The following ARHGEF11 variants were observed in gnomAD, a reference collection of about 807,000 sequenced individuals.
ARHGEF11 encodes the protein Rho guanine nucleotide exchange factor 11, also known as Rho guanine exchange factor (GEF) 11.
Under a neutral mutation model 193.7 loss-of-function variants are expected in ARHGEF11, and 55 were observed. The observed-to-expected ratio is 0.28, with a 90% confidence interval of 0.23 to 0.36. The LOEUF (loss-of-function observed/expected upper bound fraction) is 0.36, where lower values mean the gene tolerates loss of function less well. ARHGEF11 is among the 10% of genes least tolerant of loss of function. ARHGEF11 has a pLI of 1.00. For synonymous variants in ARHGEF11, 693 were observed against 768.0 expected (o/e 0.90, Z 1.62); for missense variants, 1,723 against 2,005.6 (o/e 0.86, Z 2.69).
At chr1:156,990,594 G>A (rs1169503303) in intron 1 of ARHGEF11, among the ~76,000 whole-genome samples, 1 of 152,108 alleles carries the variant, frequency 6.6e-6, no homozygotes, top group African/African-American at 2.4e-5. Context: ...TAGCCAGTAA[G>A]CTTTTATAAA....
At chr1:157,013,902 T>C (rs957478524) in intron 1 of ARHGEF11, among the ~76,000 whole-genome samples, 4 of 152,210 alleles carry the variant, frequency 2.6e-5, no homozygotes, top group Admixed American at 2.6e-4. Flanking sequence ...GCAGTCCTGA[T>C]TCCTTTGTAT....
chr1:156,995,238 C>T (rs553084847), intron 1 of ARHGEF11, among the ~76,000 whole-genome samples: 2 of 152,322 alleles, frequency 1.3e-5, no homozygotes, highest in South Asian at 2.1e-4. Context: ...GATATACACC[C>T]TTCCGTGGTT....
At chr1:156,947,168 G>T in intron 26 of ARHGEF11, 136 bp downstream of exon 26, 1 of 1,473,102 alleles carries the variant, frequency 6.8e-7, no homozygotes, top group Non-Finnish European at 9.2e-7. Flanking sequence ...CTGGTTTCAG[G>T]CTGTCCACAG....
At chr1:156,953,979 T>A (rs1659512004) in intron 21 of ARHGEF11, among the ~76,000 whole-genome samples, 1 of 152,144 alleles carries the variant, frequency 6.6e-6, no homozygotes, top group Non-Finnish European at 1.5e-5. Context: ...AAGTAGATGA[T>A]AAGAACAAAA....
intron 7 of ARHGEF11, among the ~76,000 whole-genome samples, chr1:156,973,787 G>A (rs760272433): frequency 2.6e-5 from 4 of 152,016 alleles, no homozygotes; most frequent in Non-Finnish European, 4.4e-5. Context: ...CTACTGATTG[G>A]CCCTCTGACA....
intron 1 of ARHGEF11, among the ~76,000 whole-genome samples, chr1:156,992,342 C>T (rs926015920): frequency 2.6e-5 from 4 of 152,234 alleles, no homozygotes; most frequent in South Asian, 2.1e-4. Flanking sequence ...CACACATTCT[C>T]CCCTCCTCCA....
intron 3 of ARHGEF11, among the ~76,000 whole-genome samples, chr1:156,982,719 A>G (rs1664363250): frequency 6.6e-6 from 1 of 152,124 alleles, no homozygotes; most frequent in African/African-American, 2.4e-5. Context: ...TCCCATACAC[A>G]TTTTCTGTAC....
intron 38 of ARHGEF11, 95 bp downstream of exon 38, chr1:156,938,323 T>TACAC (rs1655957813): frequency 9.0e-7 from 1 of 1,106,196 alleles, no homozygotes; most frequent in African/African-American, 1.6e-5. Context: ...AGCTTGTGGG[T>TACAC]GTGTGTGTGA....
intron 1 of ARHGEF11, among the ~76,000 whole-genome samples, chr1:157,029,318 A>G (rs1351100426): frequency 2.0e-5 from 3 of 151,648 alleles, no homozygotes; most frequent in Non-Finnish European, 2.9e-5. Flanking sequence ...TGCCCAGGCT[A>G]GAGTACAATG....
chr1:156,948,792 ACT>A lies in ARHGEF11; in HGVS notation c.1926-296_1926-295del. ...GGAAGATGAAATCTGGGGCTAACAG[ACT>A]CTGAGTTGTAGTGTGTCCAGAGGCC... On this transcript the variant is annotated intron_variant, in intron 22 of 40. Coordinates refer to ENST00000368194, the MANE Select transcript of ARHGEF11 (RefSeq NM_198236.3). The surrounding 1 kb of genome is among the most constrained non-coding windows in gnomAD (Gnocchi z 4.2). The A allele has an allele frequency of 2.0e-6, 2 of 985,280 alleles. No homozygotes were observed. The highest frequency in any genetic ancestry group is 2.4e-6 in the Non-Finnish European group (2 of 829,906). 61.0% of individuals were successfully genotyped at this position (985,280 alleles called of 1,614,324 possible).
In ARHGEF11 at chr1:156,969,332, C is replaced by T. The variant is rs759454763; in HGVS notation, c.775G>A (p.Gly259Arg). The T allele has an allele frequency of 2.5e-6, 4 of 1,609,186 alleles. No individual in the cohort carries two copies. Among genetic ancestry groups the T allele is most frequent in the African/African-American group, 1.3e-5 (1 of 74,842 alleles). The change falls in exon 10 of 41, where the codon GGG (glycine) becomes AGG (arginine). Residue 259 changes from glycine to arginine, a missense_variant. Physicochemically the swap from Gly to Arg is moderately radical, Grantham distance 125 (BLOSUM62 -2). Around this residue, in one of 5 missense-constraint regions of ARHGEF11, gnomAD observed 646 missense variants for 710.7 expected, o/e 0.91. Coordinates refer to ENST00000368194, the MANE Select transcript of ARHGEF11 (RefSeq NM_198236.3). The part of the protein sequence containing the change: ...EGRLSLDSQE[G>R]DSGLDSGTER... ...GTCCCAGAGTCCAAGCCACTGTCCC[C>T]CTCCTGGGAATCCAGAGAGAGCCGG... is the stretch of plus-strand genomic sequence containing the variant.
Position 157,041,635 on chromosome 1 carries a change from G to A in ARHGEF11, c.32+2664C>T, listed in dbSNP as rs144208863. ...TAACACGTGAATGTTGAAACAACCCGCAATGAAATAATTTGTACTTGCTGA... is the reference window on the plus strand; with the variant it reads ...TAACACGTGAATGTTGAAACAACCCACAATGAAATAATTTGTACTTGCTGA... On this transcript the variant is annotated intron_variant, in intron 1 of 40. Transcript: ENST00000368194. Among the ~76,000 whole-genome samples the A allele has an allele frequency of 2.4e-3, 362 of 152,190 alleles. 1 individual carries two copies. The highest frequency in any genetic ancestry group is 3.7e-3 in the Non-Finnish European group (254 of 68,008).
chr1:156,972,047 C>T (rs1408880342), intron 7 of ARHGEF11, among the ~76,000 whole-genome samples: 1 of 152,212 alleles, frequency 6.6e-6, no homozygotes. Context: ...AGAAGACAAA[C>T]ACAAAGGCCT....
At chr1:157,010,966 C>A (rs1288969168) in intron 1 of ARHGEF11, among the ~76,000 whole-genome samples, 1 of 152,066 alleles carries the variant, frequency 6.6e-6, no homozygotes, top group Non-Finnish European at 1.5e-5. Context: ...TAAATGAAAT[C>A]CCTATTAAAA....
chr1:156,944,930 CT>C, intron 30 of ARHGEF11, 88 bp downstream of exon 30: 7 of 1,505,296 alleles, frequency 4.7e-6, no homozygotes, highest in Non-Finnish European at 6.2e-6. Flanking sequence ...TCTCCTACCT[CT>C]AAGACTCTCC....
chr1:156,945,995 T>C lies in ARHGEF11; in HGVS notation c.2812+50A>G, dbSNP rs1295212693. 2.0e-6 allele frequency: 3 copies of C among 1,464,178 alleles called. No homozygotes were observed. In the Admixed American group the frequency reaches 5.1e-5, roughly 25 times the overall value. 90.7% of individuals were successfully genotyped at this position (1,464,178 alleles called of 1,614,324 possible). Reference sequence around the variant, plus strand: ...TCACAAAGCAGTGTCAGAATGAGGGTCTGGCACGAGGCCCACTGCCTGTGA... The same window carrying C: ...TCACAAAGCAGTGTCAGAATGAGGGCCTGGCACGAGGCCCACTGCCTGTGA... On this transcript the variant is annotated intron_variant, in intron 29 of 40. Coordinates refer to ENST00000368194, the MANE Select transcript of ARHGEF11 (RefSeq NM_198236.3).
At position 156,941,879 on chromosome 1, in the gene ARHGEF11, C is replaced by A. The variant is rs780050689; in HGVS notation, c.3437G>T (p.Gly1146Val). ...PPGPREPAQQ[G>V]PTPSRVELDD... Reference sequence around the variant, plus strand: ...AGCACTGCACCTGCTGGGTGTGGGGCCCTGCTGGGCTGGCTCCCGGGGACC... The same window carrying A: ...AGCACTGCACCTGCTGGGTGTGGGGACCTGCTGGGCTGGCTCCCGGGGACC... The change falls in exon 34 of 41, where the codon GGC becomes GTC. Residue 1146 changes from glycine (G) to valine (V), a missense_variant. Physicochemically the swap from Gly to Val is moderately radical, Grantham distance 109 (BLOSUM62 -3). Around this residue, in one of 5 missense-constraint regions of ARHGEF11, gnomAD observed 203 missense variants for 237.3 expected, o/e 0.86. Coordinates refer to ENST00000368194, the MANE Select transcript of ARHGEF11 (RefSeq NM_198236.3). The A allele has an allele frequency of 6.2e-7, 1 of 1,610,802 alleles. No homozygotes were observed. The highest frequency in any genetic ancestry group is 1.7e-5 in the Admixed American group (1 of 59,798).
At chr1:156,942,494 G>A (rs111903423) in intron 33 of ARHGEF11, among the ~76,000 whole-genome samples, 196 bp downstream of exon 33, 5 of 152,324 alleles carry the variant, frequency 3.3e-5, no homozygotes, top group African/African-American at 7.2e-5. Context: ...TCCCAGAAGC[G>A]GGCCTGGTGA....
chr1:156,944,936 C>CGTCT, intron 30 of ARHGEF11, 83 bp downstream of exon 30: 3 of 1,515,366 alleles, frequency 2.0e-6, no homozygotes, highest in Non-Finnish European at 2.6e-6. Flanking sequence ...ACCTCTAAGA[C>CGTCT]TCTCCAAGCC....
Sources: gnomAD v4.1 joint callset for allele counts (sites outside exome capture counted in the v4.1 genomes callset) on GRCh38, gnomAD v4.1.1 for gene constraint, gnomAD v4.1.1 regional missense constraint, Gnocchi (gnomAD v3.1) non-coding constraint, MANE v1.5 for transcripts, NCBI Gene and HGNC (gene_info 2026-07-23, HGNC 2026-07-21) for gene names.